The following GRM5 variants were observed in gnomAD, a reference collection of about 807,000 sequenced individuals.
The protein encoded by GRM5 is metabotropic glutamate receptor 5.
Under a neutral mutation model 83.1 loss-of-function variants are expected in GRM5, and 19 were observed. That is an observed-to-expected ratio of 0.23 (90% CI 0.16 to 0.34). The LOEUF is 0.34. GRM5 is among the 10% of genes least tolerant of loss of function. GRM5 has a pLI of 1.00. For synonymous variants in GRM5, 675 were observed against 633.6 expected, an observed-to-expected ratio of 1.07 and a Z score of -0.98; for missense variants, 1,160 against 1,588.3, an observed-to-expected ratio of 0.73 and a Z score of 4.58.
At position 89,045,412 on chromosome 11, in the gene GRM5, A is replaced by G. The variant is rs901628046; in HGVS notation, c.661+1800T>C. ...AACAATTCTATGAAGATCCAATCAA[A>G]TTGTTTGCATAAAAACCCCTTTTAG... On this transcript the variant is annotated intron_variant, in intron 2 of 9. Coordinates refer to ENST00000305447, the MANE Select transcript of GRM5 (RefSeq NM_001143831.3). 2.0e-5 allele frequency among the ~76,000 whole-genome samples: 3 copies of G among 152,132 alleles called. No homozygotes were observed. In the East Asian group the frequency reaches 5.8e-4, roughly 29 times the overall value.
rs1271196680 is a variant in GRM5, at chr11:88,562,093, C to G, written c.2630+4960G>C. On this transcript the variant is annotated intron_variant, in intron 8 of 9. Transcript: ENST00000305447. The stretch of plus-strand genomic sequence containing the variant: ...TAAGTTCTTTGGAGCATCAGTTCTT[C>G]AGAATGTTAAGAGGTTTACTTGGAA... 2.6e-5 allele frequency among the ~76,000 whole-genome samples: 4 copies of G among 152,000 alleles called. No individual in the cohort carries two copies. In the East Asian group the frequency reaches 5.8e-4, roughly 22 times the overall value.
intron 2 of GRM5, among the ~76,000 whole-genome samples, chr11:88,932,342 A>G (rs899572619): frequency 1.3e-5 from 2 of 152,048 alleles, no homozygotes; most frequent in African/African-American, 4.8e-5. Flanking sequence ...AAATTACATA[A>G]ATGCCTAACA....
intron 3 of GRM5, among the ~76,000 whole-genome samples, chr11:88,800,086 A>G (rs367600212): frequency 3.0e-4 from 45 of 152,288 alleles, no homozygotes; most frequent in African/African-American, 9.6e-4. Flanking sequence ...TTGTGAGAAA[A>G]GTAAAAAATA....
chr11:88,930,948 TA>T (rs66517314), intron 2 of GRM5, among the ~76,000 whole-genome samples: 149,117 of 151,994 alleles, frequency 0.98, 73,211 homozygotes, highest in East Asian at 1. Context: ...GGTCTTTCTT[TA>T]AAAAAAAATG....
chr11:88,556,324 C>CTTT (rs377331160), intron 8 of GRM5, among the ~76,000 whole-genome samples: 9 of 129,750 alleles, frequency 6.9e-5, no homozygotes, highest in African/African-American at 2.6e-4. Flanking sequence ...CTTTTCTTTT[C>CTTT]TTTTTTTTTT....
chr11:89,019,540 C>CAAAA (rs765009438), intron 2 of GRM5, among the ~76,000 whole-genome samples: 1 of 123,036 alleles, frequency 8.1e-6, no homozygotes, highest in Non-Finnish European at 1.8e-5. Flanking sequence ...ACTAAAAATA[C>CAAAA]AAAAAAAAAA....
At chr11:88,640,531 C>A (rs1939261206) in intron 4 of GRM5, among the ~76,000 whole-genome samples, 1 of 152,136 alleles carries the variant, frequency 6.6e-6, no homozygotes, top group Admixed American at 6.5e-5. Context: ...ATACTATCTA[C>A]TTGGAGATGG....
intron 3 of GRM5, among the ~76,000 whole-genome samples, chr11:88,722,701 A>ATAAG (rs1199544478): frequency 6.6e-6 from 1 of 152,140 alleles, no homozygotes; most frequent in Non-Finnish European, 1.5e-5. Flanking sequence ...AATTTCTTTA[A>ATAAG]TAAGTAGATT....
intron 3 of GRM5, among the ~76,000 whole-genome samples, chr11:88,763,465 A>G (rs943787342): frequency 6.6e-6 from 1 of 151,906 alleles, no homozygotes; most frequent in Non-Finnish European, 1.5e-5. Flanking sequence ...TTATTAGTTT[A>G]AAGCTAGGAT....
At chr11:88,574,211 C>G (rs1943059581) in intron 7 of GRM5, among the ~76,000 whole-genome samples, 1 of 152,118 alleles carries the variant, frequency 6.6e-6, no homozygotes, top group Non-Finnish European at 1.5e-5. Context: ...GTTAATATAG[C>G]ATTTTACAAA....
At chr11:88,810,938 T>G (rs1167935262) in intron 3 of GRM5, among the ~76,000 whole-genome samples, 1 of 152,180 alleles carries the variant, frequency 6.6e-6, no homozygotes, top group African/African-American at 2.4e-5. Flanking sequence ...GTTGTGCTAT[T>G]AACAAGTTAA....
intron 2 of GRM5, among the ~76,000 whole-genome samples, chr11:89,031,921 C>A (rs1941271281): frequency 6.6e-6 from 1 of 151,992 alleles, no homozygotes; most frequent in Non-Finnish European, 1.5e-5. Flanking sequence ...CGAGAAGTTA[C>A]AGTTGAAACC....
Position 88,819,474 on chromosome 11 carries a change from A to G in GRM5, c.911+30432T>C, listed in dbSNP as rs78040122. The stretch of plus-strand genomic sequence containing the variant: ...TCACATATTTATATAACCTTAGACA[A>G]TAACTGCACAGATTTTTCCCAGATA... On this transcript the variant is annotated intron_variant, in intron 3 of 9. Coordinates refer to ENST00000305447, the MANE Select transcript of GRM5 (RefSeq NM_001143831.3). Among the ~76,000 whole-genome samples the G allele has an allele frequency of 4.5e-4, 69 of 152,364 alleles. No homozygotes were observed. The East Asian group carries it at 0.013, about 29-fold the overall frequency.
chr11:88,566,648 A>G (rs777523295), intron 8 of GRM5, among the ~76,000 whole-genome samples: 7 of 152,102 alleles, frequency 4.6e-5, no homozygotes, highest in Non-Finnish European at 8.8e-5. Context: ...AGTTCTTGGC[A>G]TTTTGCTCTC....
chr11:88,837,570 G>C (rs1041399534), intron 3 of GRM5, among the ~76,000 whole-genome samples: 1 of 152,058 alleles, frequency 6.6e-6, no homozygotes, highest in African/African-American at 2.4e-5. Context: ...AGCCACCAGC[G>C]CACTTTGAGA....
intron 3 of GRM5, among the ~76,000 whole-genome samples, chr11:88,775,296 T>G (rs56405115): frequency 0.72 from 109,342 of 151,382 alleles, 39,882 homozygotes; most frequent in African/African-American, 0.75. Context: ...ATCCCCTTTA[T>G]CATTTTTTAT....
Position 88,508,975 on chromosome 11 carries a change from T to G in GRM5, c.3256A>C (p.Ser1086Arg), listed in dbSNP as rs750769107. ...NSMMLSTAAP[S>R]PGVGAPLCSS... ...CAGAGCGGGGCGCCGACGCCGGGGC[T>G]GGGGGCCGCGGTGGACAGCATCATG... The change falls in exon 10 of 10, where the codon AGC (serine) becomes CGC (arginine). Residue 1086 changes from serine to arginine, a missense_variant. Coordinates refer to ENST00000305447, the MANE Select transcript of GRM5 (RefSeq NM_001143831.3). This position sits in a 1 kb window ranked among gnomAD's most constrained non-coding sequence, Gnocchi z 4.2. The G allele has an allele frequency of 2.5e-6, 4 of 1,585,742 alleles. No individual in the cohort carries two copies. The highest frequency in any genetic ancestry group is 1.7e-4 in the Middle Eastern group (1 of 6,038).
At chr11:89,000,668 A>G (rs1218742284) in intron 2 of GRM5, among the ~76,000 whole-genome samples, 4 of 152,170 alleles carry the variant, frequency 2.6e-5, no homozygotes, top group Non-Finnish European at 1.5e-5. Flanking sequence ...GACACCAAAT[A>G]CAAGATTAAT....
chr11:88,593,948 C>G (rs1937723940), intron 6 of GRM5, among the ~76,000 whole-genome samples: 1 of 151,824 alleles, frequency 6.6e-6, no homozygotes, highest in African/African-American at 2.4e-5. Flanking sequence ...CGCCTGCCAA[C>G]TTGCCTGGCT....
Sources: allele counts gnomAD v4.1 joint callset (sites outside exome capture counted in the v4.1 genomes callset), GRCh38; gene constraint gnomAD v4.1.1; non-coding constraint Gnocchi (gnomAD v3.1); transcripts MANE v1.5; gene names NCBI Gene and HGNC (gene_info 2026-07-23, HGNC 2026-07-21).